The following ARHGAP26 variants were observed in gnomAD, a reference collection of about 807,000 sequenced individuals.
The protein encoded by ARHGAP26 is rho GTPase-activating protein 26.
ARHGAP26 carries 38 observed loss-of-function variants against 104.8 expected under a neutral mutation model. That is an observed-to-expected ratio of 0.36 (90% CI 0.28 to 0.48). The LOEUF is 0.48. Among genes scored for constraint, ARHGAP26 ranks in the 20% least tolerant of loss-of-function variants. ARHGAP26 has a pLI of 0.99. For missense variants in ARHGAP26, 704 were observed against 947.9 expected (o/e 0.74, Z 3.38); for synonymous variants, 341 against 340.0 (o/e 1.00, Z -0.03).
chr5:142,923,155 T>A (rs1408703626), intron 10 of ARHGAP26, among the ~76,000 whole-genome samples: 5 of 151,704 alleles, frequency 3.3e-5, no homozygotes, highest in African/African-American at 1.2e-4. Context: ...TAACAAAGAA[T>A]GGGGTATGGT....
chr5:142,805,344 C>A (rs1762806007), intron 1 of ARHGAP26, among the ~76,000 whole-genome samples: 1 of 152,138 alleles, frequency 6.6e-6, no homozygotes, highest in African/African-American at 2.4e-5. Context: ...GCAGGTGAAC[C>A]ACCCGTCTTT....
rs528852256 is a variant in ARHGAP26 at position 142,835,674 on chromosome 5, G to A, written c.155-37726G>A. Among the ~76,000 whole-genome samples the A allele has an allele frequency of 5.3e-5, 8 of 152,300 alleles. No individual in the cohort carries two copies. In the South Asian group the frequency reaches 1.2e-3, roughly 24 times the overall value. The stretch of plus-strand genomic sequence containing the variant: ...TTTATTGAGCATTTTCTATGTTCAT[G>A]GAGTTCCCTGAGCTTAGTACTTTTC... On this transcript the variant is annotated intron_variant, in intron 1 of 22. Transcript: ENST00000645722.
intron 22 of ARHGAP26, among the ~76,000 whole-genome samples, chr5:143,215,174 C>G (rs768981083): frequency 2.3e-4 from 35 of 152,376 alleles, no homozygotes; most frequent in South Asian, 4.1e-4. Flanking sequence ...CTTCTGCCCC[C>G]CTGCTTTGTC....
At chr5:142,865,603 G>T (rs988856728) in intron 1 of ARHGAP26, among the ~76,000 whole-genome samples, 1 of 151,438 alleles carries the variant, frequency 6.6e-6, no homozygotes, top group Non-Finnish European at 1.5e-5. Flanking sequence ...CCTACAGGGA[G>T]AATGCCCCTT....
intron 22 of ARHGAP26, among the ~76,000 whole-genome samples, chr5:143,218,892 T>C (rs936725305): frequency 2.0e-5 from 3 of 152,254 alleles, no homozygotes; most frequent in Non-Finnish European, 2.9e-5. Context: ...TCATTTTCAT[T>C]GTCTACCAGC....
chr5:142,956,996 G>A (rs1438129239), intron 11 of ARHGAP26, among the ~76,000 whole-genome samples: 1 of 152,200 alleles, frequency 6.6e-6, no homozygotes, highest in Non-Finnish European at 1.5e-5. Context: ...TACAATTCAA[G>A]TTGAGATTTG....
intron 17 of ARHGAP26, among the ~76,000 whole-genome samples, chr5:143,082,884 G>A (rs57433366): frequency 0.011 from 1,662 of 152,302 alleles, 32 homozygotes; most frequent in African/African-American, 0.037. Flanking sequence ...TCTACAGAAC[G>A]TCACGGGTTT....
chr5:143,147,047 C>A (rs1799248347), intron 19 of ARHGAP26, among the ~76,000 whole-genome samples, 184 bp from the exon 20 acceptor site: 2 of 152,184 alleles, frequency 1.3e-5, no homozygotes, highest in South Asian at 4.1e-4. Flanking sequence ...TTTCGAGTCA[C>A]CTGTTCCCCC....
intron 1 of ARHGAP26, among the ~76,000 whole-genome samples, chr5:142,841,210 CAAA>C (rs1168701558): frequency 2.6e-5 from 4 of 151,900 alleles, no homozygotes; most frequent in Non-Finnish European, 5.9e-5. Context: ...TGTAGGCAGA[CAAA>C]GAAGAAAGCA....
At chr5:142,817,813 A>G (rs1471897843) in intron 1 of ARHGAP26, among the ~76,000 whole-genome samples, 1 of 152,182 alleles carries the variant, frequency 6.6e-6, no homozygotes, top group East Asian at 1.9e-4. Context: ...TTATTTTTAT[A>G]GGACCAGCCA....
intron 1 of ARHGAP26, among the ~76,000 whole-genome samples, chr5:142,828,943 G>A (rs1233548694): frequency 6.6e-6 from 1 of 152,228 alleles, no homozygotes; most frequent in Non-Finnish European, 1.5e-5. Flanking sequence ...TAGAAGGCCT[G>A]CGTATCTGTT....
chr5:143,197,463 A>G (rs1320180372), intron 20 of ARHGAP26, among the ~76,000 whole-genome samples: 1 of 152,128 alleles, frequency 6.6e-6, no homozygotes, highest in Non-Finnish European at 1.5e-5. Context: ...TGTGGTTTTA[A>G]TCTGCATTTC....
intron 1 of ARHGAP26, chr5:142,859,849 A>T (rs889623847): frequency 6.6e-6 from 1 of 152,282 alleles, no homozygotes; most frequent in Non-Finnish European, 1.5e-5. Context: ...GAAGAAGGCT[A>T]TGATAGGGTT....
At chr5:143,155,666 G>T (rs552837585) in intron 20 of ARHGAP26, among the ~76,000 whole-genome samples, 1 of 152,316 alleles carries the variant, frequency 6.6e-6, no homozygotes, top group African/African-American at 2.4e-5. Context: ...AGGGCAGAGC[G>T]CCGTTTGAAT....
At chr5:143,097,556 C>T (rs1378807533) in intron 17 of ARHGAP26, among the ~76,000 whole-genome samples, 2 of 151,954 alleles carry the variant, frequency 1.3e-5, no homozygotes, top group Non-Finnish European at 2.9e-5. Flanking sequence ...CGCGGTGGCT[C>T]ACGCCTGTAA....
intron 1 of ARHGAP26, among the ~76,000 whole-genome samples, chr5:142,778,387 C>T (rs1756790421): frequency 6.6e-6 from 1 of 152,186 alleles, no homozygotes; most frequent in African/African-American, 2.4e-5. Flanking sequence ...CCCCCTTTTC[C>T]TAGCTAACAA....
At chr5:143,019,370 C>T (rs558003190) in intron 12 of ARHGAP26, among the ~76,000 whole-genome samples, 4 of 152,116 alleles carry the variant, frequency 2.6e-5, no homozygotes, top group African/African-American at 9.6e-5. Context: ...ACAAGACTTC[C>T]CTGGGCAAGA....
chr5:142,865,978 A>G (rs1250215725), intron 1 of ARHGAP26, among the ~76,000 whole-genome samples: 1 of 151,432 alleles, frequency 6.6e-6, no homozygotes, highest in Admixed American at 6.6e-5. Context: ...ACATATCCAA[A>G]TAGGACTGAA....
intron 1 of ARHGAP26, among the ~76,000 whole-genome samples, chr5:142,833,361 C>T (rs550113533): frequency 6.6e-6 from 1 of 151,868 alleles, no homozygotes; most frequent in Non-Finnish European, 1.5e-5. Flanking sequence ...GTGCCTGGCC[C>T]TTTTATTCCT....
Sources: gnomAD v4.1 joint callset for allele counts (sites outside exome capture counted in the v4.1 genomes callset) on GRCh38, gnomAD v4.1.1 for gene constraint, MANE v1.5 for transcripts, NCBI Gene and HGNC (gene_info 2026-07-23, HGNC 2026-07-21) for gene names.